NEBL: variants seen among roughly 807,000 people sequenced by gnomAD.
NEBL encodes the protein LIM and SH3 protein 2.
A neutral mutation model predicts 140.2 loss-of-function variants in NEBL; 122 were observed. That is an observed-to-expected ratio of 0.87 (90% CI 0.75 to 1.01). NEBL has a LOEUF of 1.01. NEBL is among the 50% of genes least tolerant of loss of function. The pLI, the probability that NEBL is intolerant of heterozygous loss-of-function variation, is 0.00. For missense variants in NEBL, 1,365 were observed against 1,231.3 expected (o/e 1.11, Z -1.62); for synonymous variants, 436 against 398.9 (o/e 1.09, Z -1.11).
At chr10:21,211,018 A>G (rs1276868605) in intron 3 of NEBL, among the ~76,000 whole-genome samples, 5 of 152,208 alleles carry the variant, frequency 3.3e-5, no homozygotes, top group Non-Finnish European at 5.9e-5. Context: ...ACAGAAAACC[A>G]TGATCCATAT....
At chr10:20,892,179 C>A (rs56340002) in intron 2 of NEBL, among the ~76,000 whole-genome samples, 2,244 of 152,342 alleles carry the variant, frequency 0.015, 62 homozygotes, top group African/African-American at 0.051. Context: ...ACAAGCTGAT[C>A]TAAACCAGGC....
At chr10:21,282,083 G>A (rs969565307) in intron 1 of NEBL, among the ~76,000 whole-genome samples, 7 of 152,156 alleles carry the variant, frequency 4.6e-5, no homozygotes, top group African/African-American at 1.7e-4. Context: ...GTGCGTATGT[G>A]AGACTTTTGA....
At chr10:20,955,304 G>A (rs991402717) in intron 4 of NEBL, among the ~76,000 whole-genome samples, 1 of 152,218 alleles carries the variant, frequency 6.6e-6, no homozygotes, top group African/African-American at 2.4e-5. Context: ...CCAAAGTGGA[G>A]AATATGATGT....
At chr10:21,271,628 C>T (rs776420707) in intron 1 of NEBL, among the ~76,000 whole-genome samples, 6 of 151,284 alleles carry the variant, frequency 4.0e-5, no homozygotes, top group Non-Finnish European at 7.4e-5. Context: ...CAGGTTCAAG[C>T]GATTCTCCTG....
At chr10:21,028,235 C>CAAAAAAAAACAAAAAAAAAAAAAA (rs1833597958) in intron 2 of NEBL, among the ~76,000 whole-genome samples, 1 of 66,216 alleles carries the variant, frequency 1.5e-5, no homozygotes, top group Non-Finnish European at 2.5e-5. Context: ...TCAAACATCT[C>CAAAAAAAAACAAAAAAAAAAAAAA]AAAAAAAAAA....
In NEBL at chr10:21,269,961, CTTTG is replaced by C. The variant is rs771511345; in HGVS notation, n.183-18137_183-18134del. On this transcript the variant is annotated intron_variant and non_coding_transcript_variant, in intron 1 of 8. Transcript: ENST00000675702. ...TAACCTGAAAGAAATTTGAGGAGTTCTTTGTTTGTTTTCAAATTCTCTATTGCTT... is the reference window on the plus strand; with the variant it reads ...TAACCTGAAAGAAATTTGAGGAGTTCTTTGTTTTCAAATTCTCTATTGCTT... Among the ~76,000 whole-genome samples the C allele has an allele frequency of 2.6e-5, 4 of 152,296 alleles. No homozygotes were observed. The East Asian group carries it at 7.7e-4, about 29-fold the overall frequency.
intron 4 of NEBL, among the ~76,000 whole-genome samples, chr10:20,924,274 G>A (rs1338135669): frequency 6.6e-6 from 1 of 151,960 alleles, no homozygotes; most frequent in Admixed American, 6.6e-5. Flanking sequence ...TGCCAGGATT[G>A]AGAAGCCCTG....
At chr10:21,239,809 G>A (rs148658285) in intron 3 of NEBL, among the ~76,000 whole-genome samples, 2 of 152,226 alleles carry the variant, frequency 1.3e-5, no homozygotes, top group East Asian at 1.9e-4. Context: ...AAGGTCAGGA[G>A]ATCAAGACCA....
chr10:21,121,613 C>G (rs1838577601), intron 2 of NEBL, among the ~76,000 whole-genome samples: 1 of 152,104 alleles, frequency 6.6e-6, no homozygotes. Context: ...GTTAGAAAAT[C>G]CTAATCTTAG....
chr10:20,796,367 GAAAAAAA>G (rs57844177), intron 26 of NEBL, among the ~76,000 whole-genome samples: 666 of 51,504 alleles, frequency 0.013, 1 homozygote, highest in Admixed American at 0.06. Context: ...TCTAAAACAA[GAAAAAAA>G]AAAAAAAAAA....
intron 2 of NEBL, among the ~76,000 whole-genome samples, chr10:21,067,223 G>A (rs370768909): frequency 7.1e-4 from 108 of 151,964 alleles, no homozygotes; most frequent in African/African-American, 2.1e-3. Context: ...CGCCCACCTC[G>A]GCCTCCCAAA....
At chr10:21,128,075 G>A (rs1378104071) in intron 2 of NEBL, among the ~76,000 whole-genome samples, 1 of 151,974 alleles carries the variant, frequency 6.6e-6, no homozygotes, top group Non-Finnish European at 1.5e-5. Context: ...TTAATGACTC[G>A]GTTGGGACTA....
rs1300583552 is a variant in NEBL, at chr10:20,808,608, G to C, written c.2663C>G (p.Thr888Ser). ...GTCGTCTCCGAGACCTGTACCGAAAGTACTGCTGGAATGGGATCGAGACCA... is the reference window on the plus strand; with the variant it reads ...GTCGTCTCCGAGACCTGTACCGAAACTACTGCTGGAATGGGATCGAGACCA... ...RHWSRSHSSS[T>S]FGTGLGDDRS... is the part of the protein sequence containing the mutation. The change falls in exon 26 of 28, where the codon ACT becomes AGT. Residue 888 changes from threonine (T) to serine (S), a missense_variant. Thr to Ser is a moderately conservative substitution (Grantham distance 58). Transcript: ENST00000377122. The C allele has an allele frequency of 1.2e-6, 2 of 1,613,326 alleles. No homozygotes were observed. Among genetic ancestry groups the C allele is most frequent in the African/African-American group, 2.7e-5 (2 of 74,874 alleles).
At chr10:20,849,041 T>A (rs747048094) in intron 11 of NEBL, among the ~76,000 whole-genome samples, 27 of 152,110 alleles carry the variant, frequency 1.8e-4, no homozygotes, top group Admixed American at 2.6e-4. Flanking sequence ...ACAGAAAGGA[T>A]CTTATTCATT....
chr10:21,075,642 G>T (rs1382713489), intron 2 of NEBL, among the ~76,000 whole-genome samples: 6 of 152,136 alleles, frequency 3.9e-5, no homozygotes, highest in Non-Finnish European at 5.9e-5. Flanking sequence ...CTAGAGGGAG[G>T]CCCTCATTTT....
chr10:21,171,152 A>G (rs1841054083), intron 2 of NEBL, among the ~76,000 whole-genome samples: 1 of 152,078 alleles, frequency 6.6e-6, no homozygotes, highest in East Asian at 1.9e-4. Flanking sequence ...CCTGACCAAC[A>G]TGGAGAAACC....
intron 3 of NEBL, among the ~76,000 whole-genome samples, chr10:21,228,973 C>A (rs1842208641): frequency 6.6e-6 from 1 of 152,016 alleles, no homozygotes; most frequent in Non-Finnish European, 1.5e-5. Context: ...AGCCTGCATC[C>A]CAGTAAGGAT....
intron 5 of NEBL, among the ~76,000 whole-genome samples, chr10:20,875,278 G>A (rs1307940623): frequency 2.6e-5 from 4 of 152,068 alleles, no homozygotes; most frequent in Non-Finnish European, 1.5e-5. Flanking sequence ...GAGCATCCAA[G>A]GTGCCCGGCT....
intron 3 of NEBL, among the ~76,000 whole-genome samples, chr10:21,237,549 A>G (rs1842373685): frequency 6.6e-6 from 1 of 151,696 alleles, no homozygotes; most frequent in Non-Finnish European, 1.5e-5. Context: ...TTAACATCTA[A>G]TTGACATCTG....
Sources: gnomAD v4.1 joint callset for allele counts (sites outside exome capture counted in the v4.1 genomes callset) on GRCh38, gnomAD v4.1.1 for gene constraint, MANE v1.5 for transcripts, NCBI Gene and HGNC (gene_info 2026-07-23, HGNC 2026-07-21) for gene names.